Variants in IQCE observed in about 807,000 individuals in gnomAD.
The protein encoded by IQCE is IQ domain-containing protein E.
Under a neutral mutation model 96.0 loss-of-function variants are expected in IQCE, and 115 were observed. The ratio of observed to expected loss-of-function variants is 1.20; its 90% CI spans 1.03 to 1.40. The LOEUF (loss-of-function observed/expected upper bound fraction) is 1.40. Among genes scored for constraint, IQCE ranks in the 40% most tolerant of loss-of-function variants. The probability of loss-of-function intolerance (pLI) is 0.00; values close to 1 mark genes in which losing one functional copy is unlikely to be tolerated. For synonymous variants in IQCE, 412 were observed against 371.2 expected, an observed-to-expected ratio of 1.11 and a Z score of -1.26; for missense variants, 1,041 against 909.1, an observed-to-expected ratio of 1.15 and a Z score of -1.87.
chr7:2,571,597 C>G lies in IQCE; in HGVS notation c.202C>G (p.Leu68Val), dbSNP rs1449171991. Residue 68 changes from leucine (L) to valine (V), a missense_variant, in exon 4 of 22, where the codon CTG becomes GTG. Transcript: ENST00000402050. ...RSLRTAGSMP[L>V]GGRASLTPQK... is the part of the protein sequence containing the mutation. ...CCTCAGGACGGCAGGGAGCATGCCT[C>G]TGGGCGGCCGAGCGTCCCTGACCCC... 1 of 1,602,930 alleles carries G rather than the reference C, an allele frequency of 6.2e-7. No individual in the cohort carries two copies. Among genetic ancestry groups the G allele is most frequent in the Non-Finnish European group, 8.5e-7 (1 of 1,179,964 alleles).
At chr7:2,598,243 C>T (rs1174366581) in intron 16 of IQCE, 6 of 448,570 alleles carry the variant, frequency 1.3e-5, no homozygotes, top group Admixed American at 1.1e-4. Context: ...ATGAGAAGCA[C>T]GTCTGCACTT....
intron 4 of IQCE, 105 bp from the exon 5 acceptor site, chr7:2,572,087 A>C: frequency 8.1e-7 from 1 of 1,233,644 alleles, no homozygotes; most frequent in Non-Finnish European, 1.1e-6. Context: ...GCTGGCGTCT[A>C]TCAGTGATTC....
At chr7:2,582,104 C>A (rs1430839984) in intron 8 of IQCE, 2 of 467,638 alleles carry the variant, frequency 4.3e-6, no homozygotes, top group South Asian at 3.1e-5. Context: ...AGCTGTTCTC[C>A]CTTCCCCAAA....
At chr7:2,573,526 T>G in intron 6 of IQCE, 38 bp downstream of exon 6, 1 of 1,109,226 alleles carries the variant, frequency 9.0e-7, no homozygotes, top group South Asian at 1.3e-5. Flanking sequence ...TTTGAAACGG[T>G]GAAAGCTTCC....
intron 18 of IQCE, among the ~76,000 whole-genome samples, chr7:2,603,451 G>A (rs1183785121): frequency 6.6e-6 from 1 of 150,708 alleles, no homozygotes; most frequent in African/African-American, 2.4e-5. Flanking sequence ...AGTCAGTGGT[G>A]GGTGCCGTCT....
intron 14 of IQCE, among the ~76,000 whole-genome samples, chr7:2,591,490 T>C (rs1018238692): frequency 1.3e-5 from 2 of 152,170 alleles, no homozygotes; most frequent in Non-Finnish European, 2.9e-5. Flanking sequence ...CTACAGTGAC[T>C]GCCCCTCAGA....
chr7:2,605,116 C>T (rs1784705029), intron 19 of IQCE, 125 bp downstream of exon 19: 3 of 675,480 alleles, frequency 4.4e-6, no homozygotes, highest in African/African-American at 3.6e-5. Flanking sequence ...CAGGCGTCCC[C>T]TGCGCTCCAT....
At chr7:2,598,686 G>T in intron 17 of IQCE, 54 bp downstream of exon 17, 1 of 1,412,608 alleles carries the variant, frequency 7.1e-7, no homozygotes, top group South Asian at 1.6e-5. Context: ...CGTGCTCCAA[G>T]GCAAGCCACT....
Position 2,572,235 on chromosome 7 carries a change from T to C in IQCE, c.303T>C (p.His101=), listed in dbSNP as rs772014811. ...QALNSPLTWE[H]AWTGVPGGTP... is the part of the protein sequence containing the mutation. ...TGAACTCACCCCTCACCTGGGAGCA[T>C]GCGTGGACTGGCGTCCCCGGCGGCA... Residue 101 remains histidine, a synonymous_variant, in exon 5 of 22, where the codon CAT becomes CAC. Coordinates refer to ENST00000402050, the MANE Select transcript of IQCE (RefSeq NM_152558.5). 86 of 1,614,036 alleles carry C rather than the reference T, an allele frequency of 5.3e-5. 1 individual carries two copies. In the South Asian group the frequency reaches 7.6e-4, roughly 14 times the overall value.
In IQCE at chr7:2,587,860, A is replaced by G. The variant is rs1380135480; in HGVS notation, c.1027A>G (p.Ile343Val). The change falls in exon 13 of 22, where the codon ATT (isoleucine) becomes GTT (valine). Residue 343 changes from isoleucine (I) to valine (V), a missense_variant. Coordinates refer to ENST00000402050, the MANE Select transcript of IQCE (RefSeq NM_152558.5). Reference protein sequence around the residue: ...EWSKPRLLRRIVELEKKLSVM... With the variant: ...EWSKPRLLRRVVELEKKLSVM... ...GAGCAAGCCCCGGCTGCTGAGGCGC[A>G]TTGTGGAGCTGGAGAAGGTGAGCGG... 6 of 1,614,060 alleles carry G rather than the reference A, an allele frequency of 3.7e-6. No homozygotes were observed. The highest frequency in any genetic ancestry group is 5.1e-6 in the Non-Finnish European group (6 of 1,179,944).
At chr7:2,587,263 G>A (rs1237687824) in intron 12 of IQCE, among the ~76,000 whole-genome samples, 1 of 151,900 alleles carries the variant, frequency 6.6e-6, no homozygotes, top group African/African-American at 2.4e-5. Flanking sequence ...GTGGGAGTGG[G>A]GGCCAGGCAG....
Position 2,592,177 on chromosome 7 carries a change from G to A in IQCE, c.1245-845G>A, listed in dbSNP as rs114717105. Among the ~76,000 whole-genome samples, 356 of 152,368 alleles carry A rather than the reference G, an allele frequency of 2.3e-3. 1 individual carries two copies. Among genetic ancestry groups the A allele is most frequent in the African/African-American group, 8.1e-3 (336 of 41,590 alleles). On this transcript the variant is annotated intron_variant, in intron 14 of 21. Coordinates refer to ENST00000402050, the MANE Select transcript of IQCE (RefSeq NM_152558.5). Reference sequence around the variant, plus strand: ...CGTTCTCTGCTGCCTGCTGTGAACAGTAGAAGGCCAACCCGTCACCACTGT... The same window carrying A: ...CGTTCTCTGCTGCCTGCTGTGAACAATAGAAGGCCAACCCGTCACCACTGT...
chr7:2,604,090 A>C (rs1405493085), intron 18 of IQCE, among the ~76,000 whole-genome samples: 4 of 151,432 alleles, frequency 2.6e-5, no homozygotes, highest in South Asian at 2.1e-4. Flanking sequence ...CCAGGTTCAA[A>C]CGATTCTCAT....
chr7:2,597,048 G>A (rs962045984), intron 16 of IQCE: 2 of 471,222 alleles, frequency 4.2e-6, no homozygotes, highest in African/African-American at 2.0e-5. Context: ...GCAAGGCCAC[G>A]CAGGAGCGGC....
At chr7:2,609,952 G>A in intron 21 of IQCE, 92 bp from the exon 22 acceptor site, 1 of 732,434 alleles carries the variant, frequency 1.4e-6, no homozygotes, top group Non-Finnish European at 2.4e-6. Flanking sequence ...CGTCTTGCCT[G>A]CCGGGGAAGA....
chr7:2,609,850 C>G (rs567444569), intron 21 of IQCE, among the ~76,000 whole-genome samples, 194 bp from the exon 22 acceptor site: 1 of 152,036 alleles, frequency 6.6e-6, no homozygotes, highest in South Asian at 2.1e-4. Flanking sequence ...TGAGTTGGTC[C>G]TGAGGGCGGA....
intron 1 of IQCE, among the ~76,000 whole-genome samples, chr7:2,563,126 A>T (rs1019344361): frequency 6.6e-6 from 1 of 151,924 alleles, no homozygotes. Flanking sequence ...GGGTGTCACT[A>T]TGTCACCCAG....
chr7:2,593,613 C>T (rs1783788407), intron 15 of IQCE, among the ~76,000 whole-genome samples: 2 of 152,384 alleles, frequency 1.3e-5, no homozygotes, highest in South Asian at 2.1e-4. Context: ...AAACCTGGTG[C>T]TCGGCAAAGA....
chr7:2,569,548 C>T (rs527348475), intron 3 of IQCE, among the ~76,000 whole-genome samples: 1 of 152,074 alleles, frequency 6.6e-6, no homozygotes, highest in Admixed American at 6.6e-5. Flanking sequence ...GAGGGTGCCG[C>T]GGAGGTGGGG....
Sources: gnomAD v4.1 joint callset for allele counts (sites outside exome capture counted in the v4.1 genomes callset) on GRCh38, gnomAD v4.1.1 for gene constraint, MANE v1.5 for transcripts, NCBI Gene and HGNC (gene_info 2026-07-23, HGNC 2026-07-21) for gene names.